C5: variants seen among roughly 807,000 people sequenced by gnomAD.
C5 encodes C3 and PZP-like alpha-2-macroglobulin domain-containing protein 4.
Under a neutral mutation model 218.8 loss-of-function variants are expected in C5, and 140 were observed. That is an observed-to-expected ratio of 0.64 (90% CI 0.56 to 0.74). The LOEUF (loss-of-function observed/expected upper bound fraction) is 0.74. Ranked by LOEUF, C5 falls within the 30% of genes least tolerant of loss-of-function variation. The probability of loss-of-function intolerance (pLI) is 0.00; values close to 1 mark genes in which losing one functional copy is unlikely to be tolerated. For synonymous variants in C5, 614 were observed against 682.3 expected (o/e 0.90, Z 1.56); for missense variants, 1,700 against 1,969.6 (o/e 0.86, Z 2.59).
chr9:120,957,624 A>G (rs560012331), intron 38 of C5, among the ~76,000 whole-genome samples: 25 of 152,258 alleles, frequency 1.6e-4, no homozygotes, highest in Non-Finnish European at 2.4e-4. Context: ...ACAGAAGCAC[A>G]TAAAACAAAC....
intron 21 of C5, among the ~76,000 whole-genome samples, chr9:120,996,796 C>T (rs1378583838): frequency 6.6e-6 from 1 of 152,146 alleles, no homozygotes; most frequent in Non-Finnish European, 1.5e-5. Context: ...AATTTCATAG[C>T]TGAAAACAGA....
intron 21 of C5, among the ~76,000 whole-genome samples, chr9:120,996,869 T>C (rs1312704404): frequency 6.6e-6 from 1 of 152,176 alleles, no homozygotes; most frequent in Non-Finnish European, 1.5e-5. Context: ...GCAAGAATCT[T>C]AGTCCTTTAA....
chr9:121,015,509 C>T (rs2047299726), intron 15 of C5, among the ~76,000 whole-genome samples: 1 of 152,160 alleles, frequency 6.6e-6, no homozygotes, highest in Admixed American at 6.5e-5. Flanking sequence ...TTGAATCCTG[C>T]AGCCTCTCTG....
chr9:120,980,819 A>G (rs1478377105), intron 27 of C5, among the ~76,000 whole-genome samples: 1 of 151,614 alleles, frequency 6.6e-6, no homozygotes, highest in Non-Finnish European at 1.5e-5. Flanking sequence ...GGATGGTCTC[A>G]ATCTCCTGAC....
Position 121,020,124 on chromosome 9 carries a change from C to G in C5, c.1358G>C (p.Arg453Pro). The G allele has an allele frequency of 6.2e-7, 1 of 1,613,948 alleles. No individual in the cohort carries two copies. The highest frequency in any genetic ancestry group is 8.5e-7 in the Non-Finnish European group (1 of 1,179,902). The change falls in exon 12 of 41, where the codon CGA (arginine) becomes CCA (proline). Residue 453 changes from arginine to proline, a missense_variant. By Grantham distance (103) the Arg-to-Pro change is moderately radical (BLOSUM62 -2). Transcript: ENST00000223642. ...GCTGAGAGATGAGTATGCTATTGCT[C>G]GGTAACCTTCCCTGGCCTGATTTTC... ...PEENQAREGYRAIAYSSLSQS... is the reference protein window; with the variant it reads ...PEENQAREGYPAIAYSSLSQS...
At chr9:120,957,642 ATAAACCTT>A (rs2046796119) in intron 38 of C5, among the ~76,000 whole-genome samples, 2 of 152,242 alleles carry the variant, frequency 1.3e-5, no homozygotes, top group African/African-American at 4.8e-5. Flanking sequence ...AACAAACAAG[ATAAACCTT>A]TGTTAGATGT....
At chr9:121,011,602 G>A (rs1564150532) in intron 17 of C5, among the ~76,000 whole-genome samples, 1 of 152,172 alleles carries the variant, frequency 6.6e-6, no homozygotes. Context: ...GCTACCATAT[G>A]ATCTGGCAAT....
chr9:121,012,373 G>A (rs1179811291), intron 17 of C5, among the ~76,000 whole-genome samples: 1 of 152,112 alleles, frequency 6.6e-6, no homozygotes, highest in Non-Finnish European at 1.5e-5. Flanking sequence ...TATTAGCCAG[G>A]CATGGTGGCA....
chr9:121,020,161 C>G lies in C5; in HGVS notation c.1321G>C (p.Asp441His). The G allele has an allele frequency of 6.2e-7, 1 of 1,613,914 alleles. No homozygotes were observed. Among genetic ancestry groups the G allele is most frequent in the African/African-American group, 1.3e-5 (1 of 75,024 alleles). Reference protein sequence around the residue: ...LEFNVKTDAPDLPEENQAREG... With the variant: ...LEFNVKTDAPHLPEENQAREG... ...CTGGCCTGATTTTCTTCTGGAAGATCTGGAGCATCAGTTTTGACCTGAAAA... is the reference window on the plus strand; with the variant it reads ...CTGGCCTGATTTTCTTCTGGAAGATGTGGAGCATCAGTTTTGACCTGAAAA... The change falls in exon 12 of 41, where the codon GAT becomes CAT. Residue 441 changes from aspartate to histidine, a missense_variant. By Grantham distance (81) the Asp-to-His change is moderately conservative (BLOSUM62 -1). Transcript: ENST00000223642.
chr9:120,994,367 G>C lies in C5; in HGVS notation c.2851+1873C>G, dbSNP rs143864802. Among the ~76,000 whole-genome samples the C allele has an allele frequency of 1.0e-2, 1,517 of 152,178 alleles. 14 individuals are homozygous for C. The highest frequency in any genetic ancestry group is 0.02 in the Middle Eastern group (6 of 294). On this transcript the variant is annotated intron_variant, in intron 22 of 40. Coordinates refer to ENST00000223642, the MANE Select transcript of C5 (RefSeq NM_001735.3). ...GGAGTCCAAGGCTGGTGGGTCACTT[G>C]AGGTAAGGAGTTCCAGACCAGCCTT... is the stretch of plus-strand genomic sequence containing the variant.
At chr9:121,027,366 T>C (rs1458477224) in intron 7 of C5, 92 bp from the exon 8 acceptor site, 1 of 732,056 alleles carries the variant, frequency 1.4e-6, no homozygotes, top group Non-Finnish European at 2.4e-6. Context: ...CGTAAAGCAC[T>C]TGAGGCACTT....
chr9:121,013,124 AG>A (rs1264817596), intron 17 of C5, among the ~76,000 whole-genome samples: 2 of 152,162 alleles, frequency 1.3e-5, no homozygotes, highest in Non-Finnish European at 2.9e-5. Flanking sequence ...GTTCAAGACC[AG>A]CCTGGCCAAT....
At chr9:120,988,962 G>T in intron 25 of C5, 84 bp downstream of exon 25, 1 of 992,026 alleles carries the variant, frequency 1.0e-6, no homozygotes, top group Non-Finnish European at 1.6e-6. Context: ...CTGAGCAACT[G>T]GAGGAATGGA....
chr9:120,973,833 G>T (rs1158082917), intron 30 of C5, among the ~76,000 whole-genome samples: 2 of 152,116 alleles, frequency 1.3e-5, no homozygotes, highest in Non-Finnish European at 2.9e-5. Flanking sequence ...CAAAAAATGA[G>T]CCAGGTGTGG....
In C5 at chr9:121,017,773, G is replaced by A. The variant is rs1320716812; in HGVS notation, c.1586C>T (p.Pro529Leu). 1.2e-6 allele frequency: 2 copies of A among 1,613,296 alleles called. No homozygotes were observed. The change falls in exon 13 of 41, where the codon CCA becomes CTA. Residue 529 changes from proline to leucine, a missense_variant. Pro to Leu is a moderately conservative substitution (Grantham distance 98). Coordinates refer to ENST00000223642, the MANE Select transcript of C5 (RefSeq NM_001735.3). ...SDASYQSINI[P>L]VTQNMVPSSR... The stretch of plus-strand genomic sequence containing the variant: ...TGAAGGAACCATGTTCTGTGTTACT[G>A]GAATGTTTATACTTTGATAAGATGC...
intron 38 of C5, among the ~76,000 whole-genome samples, chr9:120,957,825 C>T (rs1226087059): frequency 6.6e-6 from 1 of 152,168 alleles, no homozygotes; most frequent in African/African-American, 2.4e-5. Flanking sequence ...TCATATAGTT[C>T]CACTGGCTTT....
At chr9:120,963,269 C>T (rs562914223) in intron 34 of C5, among the ~76,000 whole-genome samples, 4 of 152,212 alleles carry the variant, frequency 2.6e-5, no homozygotes, top group Admixed American at 2.0e-4. Context: ...TTTGGGAGGC[C>T]AAAGCCAGTG....
rs778705052 is a variant in C5 at position 121,027,301 on chromosome 9, T to C, written c.759-27A>G. On this transcript the variant is annotated intron_variant, in intron 7 of 40. Transcript: ENST00000223642. Reference sequence around the variant, plus strand: ...TGTCAGACAATAGCATAAAACTGTTTTACTAACATGGTTACAATAACAGGA... The same window carrying C: ...TGTCAGACAATAGCATAAAACTGTTCTACTAACATGGTTACAATAACAGGA... The C allele has an allele frequency of 1.9e-5, 20 of 1,052,296 alleles. No individual in the cohort carries two copies. The African/African-American group carries it at 3.0e-4, about 16-fold the overall frequency. The allele number at this position is 1,052,296 out of a possible 1,614,324, so 65.2% of individuals were successfully genotyped here. A position where few individuals can be genotyped will look rare whatever the true frequency, so the allele number is the denominator to read the frequency against.
At chr9:120,977,679 C>G (rs1462798086) in intron 28 of C5, among the ~76,000 whole-genome samples, 2 of 152,180 alleles carry the variant, frequency 1.3e-5, no homozygotes, top group Non-Finnish European at 2.9e-5. Context: ...CTTGGCCTTC[C>G]AAAGTACTGG....
Sources: gnomAD v4.1 joint callset for allele counts (sites outside exome capture counted in the v4.1 genomes callset) on GRCh38, gnomAD v4.1.1 for gene constraint, MANE v1.5 for transcripts, NCBI Gene and HGNC (gene_info 2026-07-23, HGNC 2026-07-21) for gene names.